Variants in PCDH11X observed in about 807,000 individuals in gnomAD.
PCDH11X encodes protocadherin-11 X-linked.
A neutral mutation model predicts 53.3 loss-of-function variants in PCDH11X; 18 were observed. That is an observed-to-expected ratio of 0.34 (90% confidence interval 0.23 to 0.50). PCDH11X has a LOEUF of 0.50. Among genes scored for constraint, PCDH11X ranks in the 20% least tolerant of loss-of-function variants. The pLI is 0.98. For missense variants in PCDH11X, 570 were observed against 1,032.4 expected, an observed-to-expected ratio of 0.55 and a Z score of 6.14; for synonymous variants, 279 against 393.3, an observed-to-expected ratio of 0.71 and a Z score of 3.44.
At chrX:92,527,352 A>G (rs2074473329) in intron 10 of PCDH11X, among the ~76,000 whole-genome samples, 1 of 111,216 alleles carries the variant, frequency 9.0e-6, no homozygotes, top group African/African-American at 3.3e-5. Flanking sequence ...TTCACTTTGC[A>G]TGCCTGTATC....
intron 9 of PCDH11X, among the ~76,000 whole-genome samples, chrX:92,463,706 C>T (rs1569491248): frequency 9.0e-6 from 1 of 111,147 alleles, no homozygotes; most frequent in African/African-American, 3.3e-5. Flanking sequence ...CTTTGAAGCG[C>T]GTAAACACTG....
At chrX:92,510,534 G>A (rs1234719525) in intron 10 of PCDH11X, among the ~76,000 whole-genome samples, 3 of 102,764 alleles carry the variant, frequency 2.9e-5, no homozygotes, top group Non-Finnish European at 4.0e-5. Flanking sequence ...GGCATTTAGT[G>A]CATTACTGTC....
chrX:91,937,997 C>G (rs1451140386), intron 6 of PCDH11X, among the ~76,000 whole-genome samples: 1 of 110,954 alleles, frequency 9.0e-6, no homozygotes, highest in African/African-American at 3.3e-5. Context: ...CAAAACAATA[C>G]TGGTTCTTTT....
chrX:91,848,885 C>T (rs1435383706), intron 5 of PCDH11X, among the ~76,000 whole-genome samples: 1 of 111,069 alleles, frequency 9.0e-6, no homozygotes, highest in Admixed American at 9.6e-5. Flanking sequence ...TTCTACTTTA[C>T]AATTCAACTA....
At chrX:92,151,373 C>T (rs2065431243) in intron 6 of PCDH11X, among the ~76,000 whole-genome samples, 1 of 109,342 alleles carries the variant, frequency 9.1e-6, no homozygotes, top group South Asian at 4.0e-4. Flanking sequence ...TTTGTATTTT[C>T]AGTAGAGACA....
At chrX:92,006,166 T>C (rs2062596651) in intron 6 of PCDH11X, among the ~76,000 whole-genome samples, 1 of 110,198 alleles carries the variant, frequency 9.1e-6, no homozygotes, top group Non-Finnish European at 1.9e-5. Context: ...TTGAGAAGTT[T>C]TCTGTTATTA....
intron 6 of PCDH11X, among the ~76,000 whole-genome samples, chrX:91,899,291 T>A (rs781185720): frequency 4.4e-4 from 49 of 110,907 alleles, no homozygotes; most frequent in African/African-American, 1.6e-3. Flanking sequence ...GCATCCAGCA[T>A]GGGAGAGAGA....
At chrX:91,883,513 A>C in intron 6 of PCDH11X, 1 of 751,932 alleles carries the variant, frequency 1.3e-6, no homozygotes, top group Non-Finnish European at 1.6e-6. Flanking sequence ...ACTCTGCTTA[A>C]AAGTTGAGTG....
chrX:92,193,106 A>G (rs755433573), intron 6 of PCDH11X, among the ~76,000 whole-genome samples: 1 of 111,783 alleles, frequency 8.9e-6, no homozygotes, highest in South Asian at 3.7e-4. Context: ...GGAATTATCA[A>G]TCCAGTCTTC....
chrX:92,587,833 T>C (rs1274481719), intron 10 of PCDH11X, among the ~76,000 whole-genome samples: 1 of 109,970 alleles, frequency 9.1e-6, no homozygotes, highest in Non-Finnish European at 1.9e-5. Context: ...GATGTGTGTG[T>C]TGCCAGAATT....
chrX:92,383,327 T>G lies in PCDH11X; in HGVS notation c.3145-4408T>G, dbSNP rs866424339. Among the ~76,000 whole-genome samples, 8 of 109,138 alleles carry G rather than the reference T, an allele frequency of 7.3e-5. No individual in the cohort carries two copies. The East Asian group carries it at 1.2e-3, about 16-fold the overall frequency. The allele number at this position is 109,138 out of a possible 115,157, so 94.8% of individuals were successfully genotyped here. On this transcript the variant is annotated intron_variant, in intron 8 of 10. Transcript: ENST00000682573. ...CTTAAAACTGTAGATAAATGTTTTT[T>G]TTTTTTTTTTTAATTATACTTAAGT... is the stretch of plus-strand genomic sequence containing the variant.
At chrX:92,301,463 C>G (rs1434046888) in intron 8 of PCDH11X, among the ~76,000 whole-genome samples, 1 of 108,559 alleles carries the variant, frequency 9.2e-6, no homozygotes, top group Non-Finnish European at 1.9e-5. Context: ...CTTCTGGGCT[C>G]CACATAGGCT....
intron 9 of PCDH11X, among the ~76,000 whole-genome samples, chrX:92,450,901 T>A (rs1449120826): frequency 9.0e-6 from 1 of 111,594 alleles, no homozygotes; most frequent in East Asian, 2.8e-4. Flanking sequence ...TAAAGTGGCA[T>A]CCTAGCTGAG....
At chrX:92,182,496 G>A (rs1341304508) in intron 6 of PCDH11X, among the ~76,000 whole-genome samples, 1 of 111,158 alleles carries the variant, frequency 9.0e-6, no homozygotes, top group African/African-American at 3.3e-5. Context: ...GGTTTGGAAG[G>A]GGCCAGGGGT....
At chrX:92,528,113 T>C (rs1399373904) in intron 10 of PCDH11X, among the ~76,000 whole-genome samples, 1 of 111,764 alleles carries the variant, frequency 8.9e-6, no homozygotes, top group Non-Finnish European at 1.9e-5. Flanking sequence ...ACGGTCTCTT[T>C]ATTTGATTAA....
intron 8 of PCDH11X, among the ~76,000 whole-genome samples, chrX:92,315,591 C>T (rs1321339965): frequency 9.0e-6 from 1 of 111,204 alleles, no homozygotes; most frequent in Non-Finnish European, 1.9e-5. Context: ...AGCTGGAGTG[C>T]AGTGATCCAA....
In PCDH11X at chrX:92,098,688, C is replaced by A. The variant is rs571158308; in HGVS notation, c.3034-102687C>A. Among the ~76,000 whole-genome samples, 11 of 96,276 alleles carry A rather than the reference C, an allele frequency of 1.1e-4. No individual in the cohort carries two copies. The South Asian group carries it at 2.6e-3, about 23-fold the overall frequency. The allele number at this position is 96,276 out of a possible 115,157, so 83.6% of individuals were successfully genotyped here. A position where few individuals can be genotyped will look rare whatever the true frequency, so the allele number is the denominator to read the frequency against. ...GAGACAGAGTTTCACTCTTTTTGCC[C>A]AGGCTGGAGTGAAATGGTGTGTGAT... On this transcript the variant is annotated intron_variant, in intron 6 of 10. Transcript: ENST00000682573.
intron 10 of PCDH11X, among the ~76,000 whole-genome samples, chrX:92,581,118 G>C (rs1220235057): frequency 1.5e-4 from 17 of 111,721 alleles, no homozygotes; most frequent in South Asian, 7.5e-4. Context: ...GCAATTGATA[G>C]AATAAATAGA....
intron 9 of PCDH11X, among the ~76,000 whole-genome samples, chrX:92,448,938 G>T (rs774898707): frequency 8.9e-6 from 1 of 111,873 alleles, no homozygotes; most frequent in Non-Finnish European, 1.9e-5. Flanking sequence ...ACTCACATAA[G>T]TAGCTCTGTT....
Sources: gnomAD v4.1 joint callset for allele counts (sites outside exome capture counted in the v4.1 genomes callset) on GRCh38, gnomAD v4.1.1 for gene constraint, MANE v1.5 for transcripts, NCBI Gene and HGNC (gene_info 2026-07-23, HGNC 2026-07-21) for gene names.